BMPR2: variants seen among roughly 807,000 people sequenced by gnomAD.
The protein encoded by BMPR2 is bone morphogenetic protein receptor type-2.
BMPR2 carries 29 observed loss-of-function variants against 100.8 expected under a neutral mutation model. The ratio of observed to expected loss-of-function variants is 0.29; its 90% confidence interval spans 0.21 to 0.39. The LOEUF is 0.39. BMPR2 is among the 10% of genes least tolerant of loss of function. BMPR2 has a pLI of 1.00. For synonymous variants in BMPR2, 382 were observed against 442.3 expected, an observed-to-expected ratio of 0.86 and a Z score of 1.71; for missense variants, 1,011 against 1,274.5, an observed-to-expected ratio of 0.79 and a Z score of 3.15.
At chr2:202,401,075 A>G (rs1690762244) in intron 1 of BMPR2, among the ~76,000 whole-genome samples, 1 of 152,248 alleles carries the variant, frequency 6.6e-6, no homozygotes, top group African/African-American at 2.4e-5. Context: ...CATTCTTATT[A>G]TCTAAGCCAG....
chr2:202,496,811 A>G (rs1209788381), intron 3 of BMPR2, among the ~76,000 whole-genome samples: 8 of 152,204 alleles, frequency 5.3e-5, no homozygotes, highest in Non-Finnish European at 1.0e-4. Context: ...CTTTGGCAGC[A>G]CTTGAGGAGC....
At chr2:202,452,013 C>T (rs1691999317) in intron 1 of BMPR2, among the ~76,000 whole-genome samples, 1 of 152,050 alleles carries the variant, frequency 6.6e-6, no homozygotes, top group Non-Finnish European at 1.5e-5. Flanking sequence ...CTCAGTCTCC[C>T]CAAGTGCTGG....
In BMPR2 at chr2:202,556,253, G is replaced by C; in HGVS notation, c.2588G>C (p.Ser863Thr). The C allele has an allele frequency of 6.2e-7, 1 of 1,614,178 alleles. No homozygotes were observed. The highest frequency in any genetic ancestry group is 8.5e-7 in the Non-Finnish European group (1 of 1,180,008). Reference sequence around the variant, plus strand: ...GACACCCGGCTGAATATTAATTCCAGTCCTGATGAGCATGAGCCTTTACTG... The same window carrying C: ...GACACCCGGCTGAATATTAATTCCACTCCTGATGAGCATGAGCCTTTACTG... Reference protein sequence around the residue: ...GEDTRLNINSSPDEHEPLLRR... With the variant: ...GEDTRLNINSTPDEHEPLLRR... Residue 863 changes from serine (S) to threonine (T), a missense_variant, in exon 12 of 13, where the codon AGT becomes ACT. Transcript: ENST00000374580.
rs1393083428 is a variant in BMPR2, at chr2:202,538,153, TGA to T, written c.1277-4155_1277-4154del. Among the ~76,000 whole-genome samples the T allele has an allele frequency of 2.0e-5, 3 of 151,598 alleles. No homozygotes were observed. The East Asian group carries it at 5.8e-4, about 29-fold the overall frequency. On this transcript the variant is annotated intron_variant, in intron 9 of 12. Coordinates refer to ENST00000374580, the MANE Select transcript of BMPR2 (RefSeq NM_001204.7). ...TAAAAAGAATGGGATTCAAAGGAAT[TGA>T]GAAATATTCAGAGGTTGGCCGGGCA...
intron 1 of BMPR2, among the ~76,000 whole-genome samples, chr2:202,462,499 G>A (rs1200064789): frequency 6.6e-6 from 1 of 152,032 alleles, no homozygotes; most frequent in Non-Finnish European, 1.5e-5. Flanking sequence ...GATTACAGGC[G>A]TGAGCCACCG....
intron 3 of BMPR2, among the ~76,000 whole-genome samples, chr2:202,477,396 G>A (rs1330074652): frequency 6.6e-6 from 1 of 151,708 alleles, no homozygotes; most frequent in East Asian, 1.9e-4. Context: ...TAATTTGAAG[G>A]ATTGTTATTG....
At chr2:202,548,991 T>A (rs1460857462) in intron 10 of BMPR2, among the ~76,000 whole-genome samples, 1 of 152,164 alleles carries the variant, frequency 6.6e-6, no homozygotes, top group Non-Finnish European at 1.5e-5. Context: ...AACATGTCAA[T>A]TACCCCCAGA....
intron 1 of BMPR2, among the ~76,000 whole-genome samples, chr2:202,456,470 G>C (rs1341458242): frequency 6.6e-6 from 1 of 150,648 alleles, no homozygotes; most frequent in Non-Finnish European, 1.5e-5. Context: ...GAATCACTGC[G>C]CCCGACCGAT....
At chr2:202,429,828 T>C (rs1291088720) in intron 1 of BMPR2, among the ~76,000 whole-genome samples, 1 of 152,012 alleles carries the variant, frequency 6.6e-6, no homozygotes, top group Non-Finnish European at 1.5e-5. Flanking sequence ...ATCAGATCTC[T>C]TGTGAACCCA....
intron 1 of BMPR2, among the ~76,000 whole-genome samples, chr2:202,402,580 T>G (rs1217065991): frequency 6.6e-6 from 1 of 152,044 alleles, no homozygotes; most frequent in Non-Finnish European, 1.5e-5. Context: ...TCTCTAACTT[T>G]TTCTCCCATT....
chr2:202,391,729 A>G (rs1690553165), intron 1 of BMPR2, among the ~76,000 whole-genome samples: 2 of 139,332 alleles, frequency 1.4e-5, no homozygotes, highest in African/African-American at 5.4e-5. Context: ...GGGATTATAG[A>G]TGCATGCCAC....
chr2:202,456,682 T>G (rs1248991191), intron 1 of BMPR2, among the ~76,000 whole-genome samples: 2 of 150,806 alleles, frequency 1.3e-5, no homozygotes, highest in Admixed American at 6.6e-5. Context: ...ACCCGGCTAA[T>G]TTTTGTATTT....
chr2:202,409,178 C>CT (rs1365737627), intron 1 of BMPR2, among the ~76,000 whole-genome samples: 1 of 152,064 alleles, frequency 6.6e-6, no homozygotes, highest in Admixed American at 6.6e-5. Context: ...AACCTTGTCT[C>CT]TATAAAAAAT....
At chr2:202,381,700 CT>C (rs1690297344) in intron 1 of BMPR2, among the ~76,000 whole-genome samples, 1 of 152,154 alleles carries the variant, frequency 6.6e-6, no homozygotes, top group Non-Finnish European at 1.5e-5. Context: ...TTTTCTTACC[CT>C]TTGAAGAGGG....
chr2:202,488,690 C>A (rs1692834587), intron 3 of BMPR2, among the ~76,000 whole-genome samples: 1 of 152,130 alleles, frequency 6.6e-6, no homozygotes. Flanking sequence ...GCCTCGGCCT[C>A]CCAAAGTGCT....
intron 1 of BMPR2, among the ~76,000 whole-genome samples, chr2:202,441,857 A>T (rs1179315075): frequency 2.7e-5 from 4 of 149,784 alleles, no homozygotes; most frequent in South Asian, 2.1e-4. Flanking sequence ...ACATGGTGAA[A>T]CCCCATCTCT....
Position 202,503,409 on chromosome 2 carries a change from G to A in BMPR2, c.419-10310G>A, listed in dbSNP as rs964847023. The stretch of plus-strand genomic sequence containing the variant: ...GAGAGGCGCAAGCAGGAACCGGGGC[G>A]GCGTGCCGCGCTTGCGGGCCAGCCG... On this transcript the variant is annotated intron_variant, in intron 3 of 12. Coordinates refer to ENST00000374580, the MANE Select transcript of BMPR2 (RefSeq NM_001204.7). The surrounding 1 kb of genome is among the most constrained non-coding windows in gnomAD (Gnocchi z 4.0). Among the ~76,000 whole-genome samples the A allele has an allele frequency of 4.6e-5, 7 of 152,364 alleles. No individual in the cohort carries two copies. Among genetic ancestry groups the A allele is most frequent in the South Asian group, 2.1e-4 (1 of 4,834 alleles).
chr2:202,428,258 C>CT (rs1325415362), intron 1 of BMPR2, among the ~76,000 whole-genome samples: 6 of 152,160 alleles, frequency 3.9e-5, no homozygotes, highest in African/African-American at 1.4e-4. Flanking sequence ...CCCTATTTCT[C>CT]TCTCTCTACA....
intron 1 of BMPR2, among the ~76,000 whole-genome samples, chr2:202,387,135 C>G (rs1690446527): frequency 6.6e-6 from 1 of 152,200 alleles, no homozygotes; most frequent in African/African-American, 2.4e-5. Flanking sequence ...CTGTCTTGCT[C>G]AACTTTCATT....
Sources: gnomAD v4.1 joint callset for allele counts (sites outside exome capture counted in the v4.1 genomes callset) on GRCh38, gnomAD v4.1.1 for gene constraint, Gnocchi (gnomAD v3.1) non-coding constraint, MANE v1.5 for transcripts, NCBI Gene and HGNC (gene_info 2026-07-23, HGNC 2026-07-21) for gene names.